MYO9A: variants seen among roughly 807,000 people sequenced by gnomAD.
MYO9A encodes the protein unconventional myosin-IXa.
A neutral mutation model predicts 293.3 loss-of-function variants in MYO9A; 103 were observed. That is an observed-to-expected ratio of 0.35 (90% CI 0.30 to 0.41). The LOEUF (loss-of-function observed/expected upper bound fraction) is 0.41, where lower values mean the gene tolerates loss of function less well. Among genes scored for constraint, MYO9A ranks in the 10% least tolerant of loss-of-function variants. The pLI is 1.00. For synonymous variants in MYO9A, 1,001 were observed against 1,035.7 expected (o/e 0.97, Z 0.64); for missense variants, 2,685 against 3,033.0 (o/e 0.89, Z 2.69).
At chr15:71,846,764 C>A (rs559547075) in intron 39 of MYO9A, among the ~76,000 whole-genome samples, 1 of 152,220 alleles carries the variant, frequency 6.6e-6, no homozygotes, top group Admixed American at 6.5e-5. Flanking sequence ...TCCATCCCCC[C>A]CATTCCTTTT....
chr15:72,037,686 G>C (rs1036833653), intron 2 of MYO9A, among the ~76,000 whole-genome samples: 5 of 152,142 alleles, frequency 3.3e-5, no homozygotes, highest in African/African-American at 1.2e-4. Flanking sequence ...AAGAAGTCAT[G>C]AAACAACCAA....
chr15:71,954,917 A>ATTTGTGATGTG (rs1567313367), intron 14 of MYO9A, among the ~76,000 whole-genome samples: 1 of 152,222 alleles, frequency 6.6e-6, no homozygotes, highest in Non-Finnish European at 1.5e-5. Context: ...GGCCATTTTT[A>ATTTGTGATGTG]AAAGCCATAT....
intron 5 of MYO9A, among the ~76,000 whole-genome samples, chr15:72,019,651 AAG>A (rs2077443350): frequency 6.6e-6 from 1 of 152,188 alleles, no homozygotes; most frequent in Non-Finnish European, 1.5e-5. Context: ...TATTAATACA[AAG>A]TCATTAGTTT....
chr15:71,885,344 A>G (rs562435892), intron 27 of MYO9A, among the ~76,000 whole-genome samples: 22 of 152,266 alleles, frequency 1.4e-4, no homozygotes, highest in African/African-American at 5.1e-4. Flanking sequence ...GTAATTCCCT[A>G]AATAATCTAC....
At position 72,060,192 on chromosome 15, in the gene MYO9A, CCA is replaced by C. The variant is rs1015729551; in HGVS notation, c.-71-13560_-71-13559del. On this transcript the variant is annotated intron_variant, in intron 1 of 41. Transcript: ENST00000356056. Reference sequence around the variant, plus strand: ...TTATTTATTTATTACTAGACCTCAACCACAGTCTTCTTTTTCCCCTTCCACTG... The same window carrying C: ...TTATTTATTTATTACTAGACCTCAACCAGTCTTCTTTTTCCCCTTCCACTG... Among the ~76,000 whole-genome samples, 18 of 152,226 alleles carry C rather than the reference CCA, an allele frequency of 1.2e-4. 1 individual carries two copies. The highest frequency in any genetic ancestry group is 1.0e-3 in the Admixed American group (16 of 15,294).
At chr15:71,858,052 A>G (rs2055935893) in intron 34 of MYO9A, among the ~76,000 whole-genome samples, 1 of 152,306 alleles carries the variant, frequency 6.6e-6, no homozygotes, top group Non-Finnish European at 1.5e-5. Flanking sequence ...CAAAACCACA[A>G]TGAGATACCA....
chr15:72,052,868 C>G (rs553721042), intron 1 of MYO9A, among the ~76,000 whole-genome samples: 73 of 152,274 alleles, frequency 4.8e-4, no homozygotes, highest in South Asian at 1.4e-3. Context: ...GTAGTGCAAG[C>G]CAAACACAGC....
At chr15:71,894,579 A>G (rs1289423195) in intron 25 of MYO9A, among the ~76,000 whole-genome samples, 1 of 152,216 alleles carries the variant, frequency 6.6e-6, no homozygotes, top group East Asian at 1.9e-4. Flanking sequence ...AACTGTCTCA[A>G]AAAAACCAAA....
At chr15:72,101,851 G>C (rs1275599312) in intron 1 of MYO9A, among the ~76,000 whole-genome samples, 1 of 149,494 alleles carries the variant, frequency 6.7e-6, no homozygotes, top group African/African-American at 2.4e-5. Flanking sequence ...CAGCCGCCCC[G>C]TCCGGGAGGG....
intron 18 of MYO9A, among the ~76,000 whole-genome samples, chr15:71,924,166 TTGA>T (rs2058228666): frequency 6.6e-6 from 1 of 152,110 alleles, no homozygotes; most frequent in African/African-American, 2.4e-5. Context: ...GAACCTATTA[TTGA>T]TTTCTAGTTT....
At chr15:72,070,226 G>A (rs1044502338) in intron 1 of MYO9A, among the ~76,000 whole-genome samples, 1 of 151,564 alleles carries the variant, frequency 6.6e-6, no homozygotes, top group Admixed American at 6.6e-5. Flanking sequence ...TGGATCACCT[G>A]AGGCCACGAG....
At position 71,866,797 on chromosome 15, in the gene MYO9A, G is replaced by A. The variant is rs188089520; in HGVS notation, c.5980-4186C>T. 1.4e-3 allele frequency among the ~76,000 whole-genome samples: 220 copies of A among 152,192 alleles called. 1 individual carries two copies. Among genetic ancestry groups the A allele is most frequent in the African/African-American group, 4.9e-3 (204 of 41,534 alleles). The stretch of plus-strand genomic sequence containing the variant: ...AAGCAGGCCAGGCGCAGTGGCTCAC[G>A]CCTGTAATCCCAGAACTTTGGGACG... On this transcript the variant is annotated intron_variant, in intron 32 of 41. Transcript: ENST00000356056.
intron 5 of MYO9A, 21 bp from the exon 6 acceptor site, chr15:72,019,116 T>C: frequency 6.2e-7 from 1 of 1,602,010 alleles, no homozygotes; most frequent in Non-Finnish European, 8.6e-7. Context: ...GGCAGATTAG[T>C]TAGGTAGAAG....
At chr15:71,914,911 G>A (rs990027901) in intron 19 of MYO9A, among the ~76,000 whole-genome samples, 2 of 151,950 alleles carry the variant, frequency 1.3e-5, no homozygotes, top group Non-Finnish European at 2.9e-5. Flanking sequence ...GGTATACATG[G>A]CACCTGTAAA....
intron 35 of MYO9A, among the ~76,000 whole-genome samples, chr15:71,852,762 T>C (rs948824029): frequency 5.9e-5 from 9 of 152,220 alleles, no homozygotes; most frequent in African/African-American, 9.6e-5. Context: ...ATACGTCTTG[T>C]GTATTTGTTT....
intron 18 of MYO9A, among the ~76,000 whole-genome samples, chr15:71,919,767 A>G (rs903228566): frequency 1.4e-5 from 2 of 141,032 alleles, no homozygotes; most frequent in Non-Finnish European, 3.0e-5. Flanking sequence ...GCTTGAACCC[A>G]GGAGGCAGAG....
intron 32 of MYO9A, among the ~76,000 whole-genome samples, chr15:71,872,397 A>G (rs2056542498): frequency 6.6e-6 from 1 of 152,142 alleles, no homozygotes; most frequent in Non-Finnish European, 1.5e-5. Context: ...TTCCTCTACT[A>G]AACTCTAATA....
intron 6 of MYO9A, among the ~76,000 whole-genome samples, chr15:72,015,388 A>T (rs2077301535): frequency 6.6e-6 from 1 of 152,184 alleles, no homozygotes; most frequent in African/African-American, 2.4e-5. Context: ...TTGCATCATG[A>T]TCTCTGAAAG....
At chr15:72,099,719 T>C (rs955983038) in intron 1 of MYO9A, among the ~76,000 whole-genome samples, 2 of 151,296 alleles carry the variant, frequency 1.3e-5, no homozygotes, top group African/African-American at 4.9e-5. Context: ...CTGACCAATA[T>C]GGTGAAACCC....
Sources: allele counts gnomAD v4.1 joint callset (sites outside exome capture counted in the v4.1 genomes callset), GRCh38; gene constraint gnomAD v4.1.1; transcripts MANE v1.5; gene names NCBI Gene and HGNC (gene_info 2026-07-23, HGNC 2026-07-21).